Variants in DPP6 observed in about 807,000 individuals in gnomAD.
The protein encoded by DPP6 is dipeptidyl peptidase like 6.
DPP6 carries 69 observed loss-of-function variants against 122.6 expected under a neutral mutation model. The observed-to-expected ratio is 0.56, with a 90% CI of 0.46 to 0.69. DPP6 has a LOEUF of 0.69. DPP6 is among the 30% of genes least tolerant of loss of function. The pLI is 0.00. For missense variants in DPP6, 928 were observed against 1,116.9 expected, an observed-to-expected ratio of 0.83 and a Z score of 2.41; for synonymous variants, 418 against 433.1, an observed-to-expected ratio of 0.97 and a Z score of 0.43.
chr7:154,490,370 C>G (rs546176791), intron 3 of DPP6, among the ~76,000 whole-genome samples: 198 of 152,334 alleles, frequency 1.3e-3, no homozygotes, highest in African/African-American at 4.4e-3. Context: ...GTGGCTACAT[C>G]CAAAGCACGC....
chr7:153,926,014 C>G (rs1268459064), intron 1 of DPP6, among the ~76,000 whole-genome samples: 1 of 152,160 alleles, frequency 6.6e-6, no homozygotes, highest in African/African-American at 2.4e-5. Context: ...CTCAGGGACA[C>G]TCCTCACACC....
At chr7:154,546,554 T>C (rs930873971) in intron 4 of DPP6, among the ~76,000 whole-genome samples, 1 of 152,172 alleles carries the variant, frequency 6.6e-6, no homozygotes, top group African/African-American at 2.4e-5. Flanking sequence ...TTATGTCTTG[T>C]TTTAATTACT....
intron 1 of DPP6, among the ~76,000 whole-genome samples, chr7:154,012,719 G>A (rs1373190013): frequency 2.6e-5 from 4 of 152,050 alleles, no homozygotes; most frequent in African/African-American, 9.7e-5. Context: ...TTTTTGCCTT[G>A]TTACTGAAAC....
intron 1 of DPP6, among the ~76,000 whole-genome samples, chr7:154,192,124 G>A (rs1173117709): frequency 6.6e-6 from 1 of 152,156 alleles, no homozygotes; most frequent in Non-Finnish European, 1.5e-5. Context: ...TGATTTAAAG[G>A]CACCTTTTAG....
intron 8 of DPP6, among the ~76,000 whole-genome samples, chr7:154,752,152 G>T (rs952098358): frequency 2.0e-5 from 3 of 152,146 alleles, no homozygotes; most frequent in East Asian, 1.9e-4. Context: ...CTGCTTGGGT[G>T]GGGGAGCCGA....
chr7:153,916,629 G>C (rs1308558689), intron 1 of DPP6, among the ~76,000 whole-genome samples: 8 of 150,962 alleles, frequency 5.3e-5, no homozygotes, highest in Non-Finnish European at 1.0e-4. Flanking sequence ...GGCTGGTCTC[G>C]AACTCCTGAC....
intron 17 of DPP6, among the ~76,000 whole-genome samples, chr7:154,858,728 C>T (rs1803051931): frequency 6.6e-6 from 1 of 152,214 alleles, no homozygotes; most frequent in Non-Finnish European, 1.5e-5. Context: ...GCAGCTCAGC[C>T]TCCATGTGCA....
chr7:154,274,627 C>G (rs189980857), intron 1 of DPP6, among the ~76,000 whole-genome samples: 15 of 152,194 alleles, frequency 9.9e-5, no homozygotes, highest in Non-Finnish European at 2.1e-4. Flanking sequence ...AAGAAGAATT[C>G]TCCTGTTAAA....
chr7:154,024,131 G>A lies in DPP6; in HGVS notation c.51+136397G>A, dbSNP rs182439890. Among the ~76,000 whole-genome samples the A allele has an allele frequency of 6.4e-3, 976 of 152,210 alleles. 4 individuals are homozygous for A. Among genetic ancestry groups the A allele is most frequent in the African/African-American group, 0.022 (928 of 41,518 alleles). ...AAAATATCTCTTTATAAGAGGTGTG[G>A]GCGAGAAGGAATTATGGGAGCAAAT... On this transcript the variant is annotated intron_variant, in intron 1 of 25. Coordinates refer to the DPP6 transcript ENST00000404039.
intron 16 of DPP6, among the ~76,000 whole-genome samples, chr7:154,842,358 T>C (rs962334357): frequency 6.6e-6 from 1 of 152,260 alleles, no homozygotes; most frequent in Non-Finnish European, 1.5e-5. Context: ...GCCCTGTCTT[T>C]ATGAATTTTT....
At chr7:154,495,153 A>C (rs1824619928) in intron 3 of DPP6, among the ~76,000 whole-genome samples, 1 of 152,238 alleles carries the variant, frequency 6.6e-6, no homozygotes, top group African/African-American at 2.4e-5. Context: ...GAAACTGATC[A>C]GAATATGGAT....
chr7:153,810,854 G>A, the DPP6 span, among the ~76,000 whole-genome samples: 1 of 152,052 alleles, frequency 6.6e-6, no homozygotes, highest in Admixed American at 6.6e-5. Context: ...TAGAATGGTA[G>A]GAAATTGGTC....
chr7:154,005,534 A>G (rs1330677339), intron 1 of DPP6, among the ~76,000 whole-genome samples: 3 of 151,854 alleles, frequency 2.0e-5, no homozygotes, highest in Non-Finnish European at 4.4e-5. Context: ...TCGAAAAATT[A>G]GGCTTTCAGG....
intron 1 of DPP6, among the ~76,000 whole-genome samples, chr7:154,299,592 C>T (rs1805768145): frequency 4.6e-5 from 7 of 152,146 alleles, no homozygotes; most frequent in Admixed American, 4.6e-4. Context: ...CCCTGCTGCC[C>T]CACATTCATT....
At chr7:154,172,087 A>C (rs1797560682) in intron 1 of DPP6, among the ~76,000 whole-genome samples, 1 of 151,988 alleles carries the variant, frequency 6.6e-6, no homozygotes, top group Non-Finnish European at 1.5e-5. Context: ...CCTCCCTTTC[A>C]CTGAGCCTCA....
chr7:154,204,870 T>G (rs1348924214), intron 1 of DPP6, among the ~76,000 whole-genome samples: 2 of 152,144 alleles, frequency 1.3e-5, no homozygotes, highest in Non-Finnish European at 2.9e-5. Context: ...ACTCCGGAAC[T>G]CATAATATAT....
rs754647315 is a variant in DPP6 at position 154,755,903 on chromosome 7, C to T, written c.884-13514C>T. The stretch of plus-strand genomic sequence containing the variant: ...CCCCTTCGTAATGATACTGTCCTCA[C>T]CACGTCTTTTTATTATGAAAAGGAA... On this transcript the variant is annotated intron_variant, in intron 8 of 25. Coordinates refer to ENST00000377770, the MANE Select transcript of DPP6 (RefSeq NM_130797.4). This position sits in a 1 kb window ranked among gnomAD's most constrained non-coding sequence, Gnocchi z 4.7. Among the ~76,000 whole-genome samples, 4 of 152,156 alleles carry T rather than the reference C, an allele frequency of 2.6e-5. No individual in the cohort carries two copies. Among genetic ancestry groups the T allele is most frequent in the Non-Finnish European group, 4.4e-5 (3 of 68,044 alleles).
chr7:154,717,328 TTC>T (rs1224553037), intron 7 of DPP6, among the ~76,000 whole-genome samples: 1 of 152,080 alleles, frequency 6.6e-6, no homozygotes, highest in Non-Finnish European at 1.5e-5. Flanking sequence ...GACTTATTCC[TTC>T]TACCTCATTG....
chr7:154,282,527 G>A lies in DPP6; in HGVS notation c.244-163687G>A, dbSNP rs1473497688. Reference sequence around the variant, plus strand: ...TGGAAGAAAGACACGCTGTATCCTGGGCACAGGTCTTCTGTTAGACTCAAT... The same window carrying A: ...TGGAAGAAAGACACGCTGTATCCTGAGCACAGGTCTTCTGTTAGACTCAAT... On this transcript the variant is annotated intron_variant, in intron 1 of 25. Transcript: ENST00000377770. This position sits in a 1 kb window ranked among gnomAD's most constrained non-coding sequence, Gnocchi z 4.8. Among the ~76,000 whole-genome samples the A allele has an allele frequency of 1.3e-5, 2 of 152,146 alleles. No homozygotes were observed.
Sources: gnomAD v4.1 joint callset for allele counts (sites outside exome capture counted in the v4.1 genomes callset) on GRCh38, gnomAD v4.1.1 for gene constraint, Gnocchi (gnomAD v3.1) non-coding constraint, MANE v1.5 for transcripts, NCBI Gene and HGNC (gene_info 2026-07-23, HGNC 2026-07-21) for gene names.